The following NLRP13 variants were observed in gnomAD, a reference collection of about 807,000 sequenced individuals.
NLRP13 encodes NLR family pyrin domain containing 13, also known as NACHT, LRR and PYD domains-containing protein 13.
In NLRP13, 82 loss-of-function variants were observed where a neutral mutation model predicts 94.4. The ratio of observed to expected loss-of-function variants is 0.87; its 90% CI spans 0.73 to 1.04. The LOEUF is 1.04. NLRP13 is among the 50% of genes least tolerant of loss of function. The pLI is 0.00. For missense variants in NLRP13, 1,426 were observed against 1,230.8 expected, an observed-to-expected ratio of 1.16 and a Z score of -2.37; for synonymous variants, 553 against 464.7, an observed-to-expected ratio of 1.19 and a Z score of -2.45.
intron 4 of NLRP13, among the ~76,000 whole-genome samples, chr19:55,916,604 T>G (rs1433418376): frequency 6.6e-6 from 1 of 152,128 alleles, no homozygotes; most frequent in Admixed American, 6.5e-5. Context: ...AACAACAGAT[T>G]AGACAAAGAA....
intron 9 of NLRP13, among the ~76,000 whole-genome samples, chr19:55,899,947 ATTG>A (rs926359208): frequency 2.6e-5 from 2 of 77,270 alleles, no homozygotes; most frequent in Non-Finnish European, 4.6e-5. Context: ...CAGGAATATA[ATTG>A]TTGTTTTTTT....
chr19:55,912,580 T>C lies in NLRP13; in HGVS notation c.1237A>G (p.Arg413Gly). ...GAATGAAAGAGAGTTTCGTTTTTTC[T>C]TAGCTGCTGCAGGATTTTCTCAACT... is the stretch of plus-strand genomic sequence containing the variant. ...SEVEKILQQL[R>G]KNETLFHSCS... is the part of the protein sequence containing the mutation. The change falls in exon 5 of 11, where the codon AGA (arginine) becomes GGA (glycine). Residue 413 changes from arginine (R) to glycine (G), a missense_variant. Transcript: ENST00000342929. The C allele has an allele frequency of 6.2e-7, 1 of 1,614,214 alleles. No individual in the cohort carries two copies. Among genetic ancestry groups the C allele is most frequent in the Non-Finnish European group, 8.5e-7 (1 of 1,180,040 alleles).
chr19:55,912,845 C>T lies in NLRP13; in HGVS notation c.972G>A (p.Glu324=). 1 of 1,614,188 alleles carries T rather than the reference C, an allele frequency of 6.2e-7. No individual in the cohort carries two copies. The change falls in exon 5 of 11, where the codon GAG becomes GAA. Residue 324 remains glutamate, a synonymous_variant. Coordinates refer to ENST00000342929, the MANE Select transcript of NLRP13 (RefSeq NM_176810.2). ...TACATGGCGAGCCATCATCCAAGCT[C>T]TCAGAGCGTGACTCAGATATGATTA... is the stretch of plus-strand genomic sequence containing the variant. The part of the protein sequence containing the change: ...EEIIISESRS[E]SLDDGSPCTD...
At position 55,912,796 on chromosome 19, in the gene NLRP13, C is replaced by T; in HGVS notation, c.1021G>A (p.Val341Met). Residue 341 changes from valine (V) to methionine (M), a missense_variant, in exon 5 of 11, where the codon GTG becomes ATG. Physicochemically the swap from Val to Met is conservative, Grantham distance 21 (BLOSUM62 1). Transcript: ENST00000342929. Reference protein sequence around the residue: ...PCTDWYQELPVTKILHSLLKK... With the variant: ...PCTDWYQELPMTKILHSLLKK... ...AACAAGCTGTGTAGGATTTTGGTCA[C>T]TGGGAGCTCCTGGTACCAGTCTGTA... 6.2e-7 allele frequency: 1 copy of T among 1,614,148 alleles called. No individual in the cohort carries two copies. The highest frequency in any genetic ancestry group is 8.5e-7 in the Non-Finnish European group (1 of 1,180,024).
intron 4 of NLRP13, among the ~76,000 whole-genome samples, chr19:55,915,744 G>T (rs1986658662): frequency 1.3e-5 from 2 of 149,552 alleles, no homozygotes; most frequent in South Asian, 4.3e-4. Context: ...AGCTAGGATA[G>T]GCTTGCCTTG....
At chr19:55,904,548 CTTTG>C (rs1986282252) in intron 8 of NLRP13, among the ~76,000 whole-genome samples, 1 of 152,208 alleles carries the variant, frequency 6.6e-6, no homozygotes, top group Non-Finnish European at 1.5e-5. Flanking sequence ...TCTCGTTCTA[CTTTG>C]TTTTTCTTCA....
At chr19:55,907,625 T>C (rs1341228981) in intron 7 of NLRP13, among the ~76,000 whole-genome samples, 167 bp downstream of exon 7, 2 of 151,990 alleles carry the variant, frequency 1.3e-5, no homozygotes, top group Non-Finnish European at 2.9e-5. Flanking sequence ...TAATATACAT[T>C]AAAATTTGAG....
At chr19:55,896,820 C>CAAAAAA (rs3073244) in intron 10 of NLRP13, among the ~76,000 whole-genome samples, 50 of 80,850 alleles carry the variant, frequency 6.2e-4, no homozygotes, top group Middle Eastern at 8.3e-3. Flanking sequence ...CTCCATCTCA[C>CAAAAAA]AAAAAAAAAA....
In NLRP13 at chr19:55,932,274, G is replaced by T; in HGVS notation, c.38C>A (p.Thr13Asn). 1.9e-6 allele frequency: 3 copies of T among 1,610,066 alleles called. No homozygotes were observed. Among genetic ancestry groups the T allele is most frequent in the Non-Finnish European group, 2.5e-6 (3 of 1,179,028 alleles). The change falls in exon 1 of 11, where the codon ACC becomes AAC. Residue 13 changes from threonine to asparagine, a missense_variant. Physicochemically the swap from Thr to Asn is moderately conservative, Grantham distance 65 (BLOSUM62 0). Coordinates refer to ENST00000342929, the MANE Select transcript of NLRP13 (RefSeq NM_176810.2). ...FSVITCPNGG[T>N]NQGLLPYLMA... ...CAGGTAAGGCAGAAGCCCTTGGTTG[G>T]TACCACCGTTGGGGCAGGTGATTAC...
At chr19:55,899,059 A>G in intron 9 of NLRP13, 122 bp from the exon 10 acceptor site, 2 of 1,062,540 alleles carry the variant, frequency 1.9e-6, no homozygotes, top group Non-Finnish European at 2.6e-6. Flanking sequence ...TTTTGTCCCA[A>G]GCCTCGAAGG....
chr19:55,910,549 C>T lies in NLRP13; in HGVS notation c.2282+14G>A, dbSNP rs772353663. On this transcript the variant is annotated intron_variant, in intron 6 of 10. Transcript: ENST00000342929. ...CTAGGGTATCTTCTTGAGCTGCTGG[C>T]GTCTCACACTTACGTCAGTTTCTGG... 8.3e-6 allele frequency: 13 copies of T among 1,570,482 alleles called. No individual in the cohort carries two copies. The highest frequency in any genetic ancestry group is 6.9e-5 in the South Asian group (6 of 86,576).
chr19:55,910,147 G>C (rs1465091070), intron 6 of NLRP13, among the ~76,000 whole-genome samples: 7 of 152,200 alleles, frequency 4.6e-5, no homozygotes, highest in Non-Finnish European at 7.3e-5. Context: ...GCACACAGGA[G>C]ATGTCCAATA....
Position 55,931,929 on chromosome 19 carries a change from C to A in NLRP13, c.319+64G>T, listed in dbSNP as rs75624845. 1,541 of 1,471,388 alleles carry A rather than the reference C, an allele frequency of 1.0e-3. 11 individuals carry two copies. In the African/African-American group the frequency reaches 0.018, roughly 17 times the overall value. The allele number at this position is 1,471,388 out of a possible 1,614,324, so 91.1% of individuals were successfully genotyped here. A position where few individuals can be genotyped will look rare whatever the true frequency, so the allele number is the denominator to read the frequency against. On this transcript the variant is annotated intron_variant, in intron 1 of 10. Coordinates refer to ENST00000342929, the MANE Select transcript of NLRP13 (RefSeq NM_176810.2). ...GTGGAATGACCCCACAAAAACCCAGCGGCTACCTCCTTGCCTCAGGAGTAC... is the reference window on the plus strand; with the variant it reads ...GTGGAATGACCCCACAAAAACCCAGAGGCTACCTCCTTGCCTCAGGAGTAC...
At chr19:55,891,980 C>T (rs1421110249), downstream of NLRP13, 3 of 653,744 alleles carry the variant, frequency 4.6e-6, no homozygotes, top group Non-Finnish European at 4.3e-6. Context: ...GGTCAAGCCA[C>T]GTGGCATCTA....
intron 4 of NLRP13, among the ~76,000 whole-genome samples, chr19:55,921,822 C>T (rs762595633): frequency 9.2e-5 from 14 of 152,186 alleles, no homozygotes; most frequent in African/African-American, 3.1e-4. Context: ...GAGGCCACAA[C>T]CCAAGAAATA....
In NLRP13 at chr19:55,896,681, G is replaced by A. The variant is rs528372875; in HGVS notation, c.2958-562C>T. On this transcript the variant is annotated intron_variant, in intron 10 of 10. Coordinates refer to ENST00000342929, the MANE Select transcript of NLRP13 (RefSeq NM_176810.2). The stretch of plus-strand genomic sequence containing the variant: ...CAAAAAATACAAAAATTAGCCAGGC[G>A]TGGTGGTGGGTGTCTGTAATCCCAG... 8.6e-5 allele frequency among the ~76,000 whole-genome samples: 13 copies of A among 151,512 alleles called. No homozygotes were observed. The South Asian group carries it at 1.7e-3, about 19-fold the overall frequency.
intron 2 of NLRP13, 132 bp from the exon 3 acceptor site, chr19:55,924,790 C>T (rs989367132): frequency 2.3e-6 from 2 of 873,954 alleles, no homozygotes; most frequent in Non-Finnish European, 1.9e-6. Flanking sequence ...AATCAGTATG[C>T]CCAGTTTACA....
rs1237283312 is a variant in NLRP13, at chr19:55,912,684, G to A, written c.1133C>T (p.Pro378Leu). Reference sequence around the variant, plus strand: ...GAACCCTGTAATTTGTACAAAGCATGGATTCACTAATGAGGCCTTAAGATC... The same window carrying A: ...GAACCCTGTAATTTGTACAAAGCATAGATTCACTAATGAGGCCTTAAGATC... The part of the protein sequence containing the change: ...VRDLKASLVN[P>L]CFVQITGFTG... Residue 378 changes from proline (P) to leucine (L), a missense_variant, in exon 5 of 11, where the codon CCA becomes CTA. Coordinates refer to ENST00000342929, the MANE Select transcript of NLRP13 (RefSeq NM_176810.2). 3.1e-6 allele frequency: 5 copies of A among 1,614,188 alleles called. No homozygotes were observed. In the Admixed American group the frequency reaches 6.7e-5, roughly 22 times the overall value.
In NLRP13 at chr19:55,898,788, C is replaced by T. The variant is rs746284829; in HGVS notation, c.2939G>A (p.Arg980His). 30 of 1,609,778 alleles carry T rather than the reference C, an allele frequency of 1.9e-5. No homozygotes were observed. The highest frequency in any genetic ancestry group is 4.0e-5 in the African/African-American group (3 of 74,784). The change falls in exon 10 of 11, where the codon CGT becomes CAT. Residue 980 changes from arginine (R) to histidine (H), a missense_variant. Coordinates refer to ENST00000342929, the MANE Select transcript of NLRP13 (RefSeq NM_176810.2). ...KLLCEALKPHRALHTLGLAKC... is the reference protein window; with the variant it reads ...KLLCEALKPHHALHTLGLAKC... ...AACTCACCCAAGTGTGTGCAATGCACGATGTGGTTTCAGAGCCTCACACAG... is the reference window on the plus strand; with the variant it reads ...AACTCACCCAAGTGTGTGCAATGCATGATGTGGTTTCAGAGCCTCACACAG...
Sources: gnomAD v4.1 joint callset for allele counts (sites outside exome capture counted in the v4.1 genomes callset) on GRCh38, gnomAD v4.1.1 for gene constraint, MANE v1.5 for transcripts, NCBI Gene and HGNC (gene_info 2026-07-23, HGNC 2026-07-21) for gene names.